Variants in PAPSS2 observed in about 807,000 individuals in gnomAD.
PAPSS2 encodes the protein 3'-phosphoadenosine 5'-phosphosulfate synthase 2.
A neutral mutation model predicts 66.5 loss-of-function variants in PAPSS2; 61 were observed. That is an observed-to-expected ratio of 0.92 (90% CI 0.75 to 1.14). The LOEUF is 1.14. Among genes scored for constraint, PAPSS2 ranks in the 50% most tolerant of loss-of-function variants. The pLI, the probability that PAPSS2 is intolerant of heterozygous loss-of-function variation, is 0.00. For synonymous variants in PAPSS2, 289 were observed against 287.5 expected, an observed-to-expected ratio of 1.01 and a Z score of -0.05; for missense variants, 708 against 789.6, an observed-to-expected ratio of 0.90 and a Z score of 1.24.
intron 2 of PAPSS2, among the ~76,000 whole-genome samples, chr10:87,710,161 G>A (rs1446428188): frequency 6.6e-6 from 1 of 152,210 alleles, no homozygotes; most frequent in Admixed American, 6.5e-5. Context: ...CTAACCTGGA[G>A]CTCATTCTAA....
rs188788542 is a variant in PAPSS2 at position 87,699,778 on chromosome 10, A to G, written c.28-9418A>G. Among the ~76,000 whole-genome samples, 949 of 150,662 alleles carry G rather than the reference A, an allele frequency of 6.3e-3. 13 individuals carry two copies. Among genetic ancestry groups the G allele is most frequent in the African/African-American group, 0.023 (921 of 40,900 alleles). ...GGCGGGAGAATCACTTGAACCCGGG[A>G]CGCAGAGGTTTCAGTGAGTCGAGAT... On this transcript the variant is annotated intron_variant, in intron 1 of 12. Transcript: ENST00000456849.
At chr10:87,717,957 C>A in intron 7 of PAPSS2, among the ~76,000 whole-genome samples, 1 of 152,234 alleles carries the variant, frequency 6.6e-6, no homozygotes, top group Admixed American at 6.5e-5. Context: ...AAATCTCTAG[C>A]CTTTCTTTTA....
intron 1 of PAPSS2, among the ~76,000 whole-genome samples, chr10:87,665,493 G>A (rs1259627466): frequency 6.6e-6 from 1 of 152,194 alleles, no homozygotes; most frequent in Non-Finnish European, 1.5e-5. Context: ...TTACAGGCGT[G>A]AGCCACCGTG....
At chr10:87,684,089 C>T (rs1346236864) in intron 1 of PAPSS2, among the ~76,000 whole-genome samples, 1 of 152,202 alleles carries the variant, frequency 6.6e-6, no homozygotes, top group Non-Finnish European at 1.5e-5. Flanking sequence ...TACAATCACT[C>T]TGTACCAGTA....
rs367885911 is a variant in PAPSS2, at chr10:87,713,312, TAAAA to T, written c.381+21_381+24del. 8,672 of 563,308 alleles carry T rather than the reference TAAAA, an allele frequency of 0.015. No homozygotes were observed. Among genetic ancestry groups the T allele is most frequent in the Middle Eastern group, 0.03 (58 of 1,942 alleles). 34.9% of individuals were successfully genotyped at this position (563,308 alleles called of 1,614,324 possible). On this transcript the variant is annotated splice_donor_5th_base_variant and intron_variant, in intron 3 of 12. Coordinates refer to ENST00000456849, the MANE Select transcript of PAPSS2 (RefSeq NM_001015880.2). ...AGCTTTATTTCTCCATTCGCAAAGG[TAAAA>T]AAAAAAAAAAAAAAAAAAGGCACTA...
intron 8 of PAPSS2, among the ~76,000 whole-genome samples, chr10:87,723,897 T>C (rs1853626670): frequency 6.6e-6 from 1 of 152,208 alleles, no homozygotes; most frequent in East Asian, 1.9e-4. Context: ...GCACATTCCC[T>C]CAGGTCCATA....
chr10:87,745,224 C>T lies in PAPSS2; in HGVS notation c.1714C>T (p.Pro572Ser), dbSNP rs762993901. Residue 572 changes from proline to serine, a missense_variant, in exon 12 of 13, where the codon CCA becomes TCA. Pro to Ser is a moderately conservative substitution (Grantham distance 74). Coordinates refer to ENST00000456849, the MANE Select transcript of PAPSS2 (RefSeq NM_001015880.2). ...KAKKAMDFYD[P>S]ARHNEFDFIS... is the part of the protein sequence containing the mutation. ...CAAAAAAGCCATGGACTTCTATGAT[C>T]CAGCAAGGTAGGTTTTCAGAGGAAA... 6.2e-7 allele frequency: 1 copy of T among 1,610,318 alleles called. No homozygotes were observed. Among genetic ancestry groups the T allele is most frequent in the South Asian group, 1.1e-5 (1 of 90,558 alleles).
At chr10:87,689,536 C>G (rs1287757367) in intron 1 of PAPSS2, among the ~76,000 whole-genome samples, 17 of 151,030 alleles carry the variant, frequency 1.1e-4, no homozygotes, top group Non-Finnish European at 2.1e-4. Flanking sequence ...CGTGGTGGCG[C>G]ATGCCTATAA....
At chr10:87,671,981 C>A (rs568122285) in intron 1 of PAPSS2, among the ~76,000 whole-genome samples, 1 of 152,170 alleles carries the variant, frequency 6.6e-6, no homozygotes. Flanking sequence ...TGTATTATAG[C>A]GGAGTTCCTC....
At chr10:87,681,378 C>A (rs1198840732) in intron 1 of PAPSS2, among the ~76,000 whole-genome samples, 2 of 152,142 alleles carry the variant, frequency 1.3e-5, no homozygotes, top group African/African-American at 4.8e-5. Flanking sequence ...TTTACAATAA[C>A]TGTTAGAGTC....
chr10:87,724,441 C>T (rs185431230), intron 8 of PAPSS2, among the ~76,000 whole-genome samples: 12 of 151,862 alleles, frequency 7.9e-5, no homozygotes, highest in Non-Finnish European at 1.6e-4. Flanking sequence ...ACCCCCATAA[C>T]TCTGTATTTC....
At chr10:87,710,734 C>T (rs1853453372) in intron 2 of PAPSS2, among the ~76,000 whole-genome samples, 1 of 152,184 alleles carries the variant, frequency 6.6e-6, no homozygotes, top group African/African-American at 2.4e-5. Context: ...GGCTTGGTAG[C>T]TCTTGCCTAT....
chr10:87,708,857 T>G (rs189113922), intron 1 of PAPSS2, among the ~76,000 whole-genome samples: 1 of 152,324 alleles, frequency 6.6e-6, no homozygotes, highest in East Asian at 1.9e-4. Context: ...GTTGCATGAA[T>G]CAATGAGATA....
chr10:87,664,892 C>A (rs951175921), intron 1 of PAPSS2, among the ~76,000 whole-genome samples: 5 of 152,192 alleles, frequency 3.3e-5, no homozygotes, highest in African/African-American at 1.2e-4. Context: ...AGCTTATATG[C>A]CCAGCACCTG....
At chr10:87,690,509 A>G (rs1464597065) in intron 1 of PAPSS2, among the ~76,000 whole-genome samples, 1 of 152,186 alleles carries the variant, frequency 6.6e-6, no homozygotes, top group Non-Finnish European at 1.5e-5. Flanking sequence ...GCTTGTGTAT[A>G]TATCTTTTCA....
intron 10 of PAPSS2, among the ~76,000 whole-genome samples, chr10:87,742,989 T>C (rs1853888431): frequency 1.3e-5 from 2 of 152,368 alleles, no homozygotes; most frequent in South Asian, 4.1e-4. Context: ...CTTACGCCTG[T>C]AATCCCAACA....
At chr10:87,714,560 A>G (rs1011911359) in intron 4 of PAPSS2, among the ~76,000 whole-genome samples, 185 bp from the exon 5 acceptor site, 1 of 152,218 alleles carries the variant, frequency 6.6e-6, no homozygotes. Flanking sequence ...GGGGCTTTCC[A>G]TATTGAAAAT....
Position 87,747,078 on chromosome 10 carries a change from C to T in PAPSS2, c.*1108C>T, listed in dbSNP as rs1853950412. On this transcript the variant is annotated 3_prime_UTR_variant, in exon 13 of 13. Transcript: ENST00000456849. ...CAACACAGGAGCTGGGTCAGATTCC[C>T]CTCAGCTGCTTAACAAAGTTCCTCG... is the stretch of plus-strand genomic sequence containing the variant. 6.6e-6 allele frequency: 1 copy of T among 152,082 alleles called. No homozygotes were observed. Among genetic ancestry groups the T allele is most frequent in the African/African-American group, 2.4e-5 (1 of 41,378 alleles). 9.4% of individuals were successfully genotyped at this position (152,082 alleles called of 1,614,324 possible). A position where few individuals can be genotyped will look rare whatever the true frequency, so the allele number is the denominator to read the frequency against.
chr10:87,730,517 G>C (rs1853716014), intron 9 of PAPSS2, among the ~76,000 whole-genome samples: 1 of 152,134 alleles, frequency 6.6e-6, no homozygotes, highest in East Asian at 1.9e-4. Flanking sequence ...ATGTTTCCTA[G>C]ATCCAGCAAG....
Sources: allele counts gnomAD v4.1 joint callset (sites outside exome capture counted in the v4.1 genomes callset), GRCh38; gene constraint gnomAD v4.1.1; transcripts MANE v1.5; gene names NCBI Gene and HGNC (gene_info 2026-07-23, HGNC 2026-07-21).